RSRC1: variants seen among roughly 807,000 people sequenced by gnomAD.
The protein encoded by RSRC1 is serine/Arginine-related protein 53.
A neutral mutation model predicts 49.1 loss-of-function variants in RSRC1; 39 were observed. That is an observed-to-expected ratio of 0.79 (90% CI 0.61 to 1.04). The LOEUF is 1.04. Among genes scored for constraint, RSRC1 ranks in the 50% least tolerant of loss-of-function variants. The pLI is 0.00. For synonymous variants in RSRC1, 143 were observed against 130.8 expected (o/e 1.09, Z -0.63); for missense variants, 388 against 402.4 (o/e 0.96, Z 0.31).
At chr3:158,409,814 A>C (rs1018023558) in intron 6 of RSRC1, among the ~76,000 whole-genome samples, 1 of 152,168 alleles carries the variant, frequency 6.6e-6, no homozygotes, top group Non-Finnish European at 1.5e-5. Context: ...AAAAACCATT[A>C]GAATAATAAA....
chr3:158,132,237 T>C (rs1716083359), intron 3 of RSRC1: 3 of 363,764 alleles, frequency 8.2e-6, no homozygotes, highest in South Asian at 6.4e-5. Context: ...CCCCCTGCCT[T>C]GGCCTCACTA....
At chr3:158,342,872 G>T (rs1730334534) in intron 5 of RSRC1, among the ~76,000 whole-genome samples, 1 of 152,168 alleles carries the variant, frequency 6.6e-6, no homozygotes, top group Non-Finnish European at 1.5e-5. Flanking sequence ...TCCTATGATT[G>T]CCTCAACTTA....
intron 6 of RSRC1, among the ~76,000 whole-genome samples, chr3:158,457,599 A>C (rs1737398036): frequency 6.6e-6 from 1 of 152,210 alleles, no homozygotes; most frequent in Non-Finnish European, 1.5e-5. Flanking sequence ...ATAGAACGCC[A>C]AGAAGGCACA....
rs184898738 is a variant in RSRC1 at position 158,151,700 on chromosome 3, A to G, written c.320+27709A>G. Among the ~76,000 whole-genome samples, 18 of 152,300 alleles carry G rather than the reference A, an allele frequency of 1.2e-4. No individual in the cohort carries two copies. The East Asian group carries it at 2.9e-3, about 25-fold the overall frequency. ...CTTAAAATCTAGTGAGAAAACATATATGAACATGATTATGCTTCTGATATG... is the reference window on the plus strand; with the variant it reads ...CTTAAAATCTAGTGAGAAAACATATGTGAACATGATTATGCTTCTGATATG... On this transcript the variant is annotated intron_variant, in intron 3 of 9. Transcript: ENST00000611884.
intron 3 of RSRC1, among the ~76,000 whole-genome samples, chr3:158,150,416 A>G (rs577405934): frequency 2.0e-4 from 30 of 152,342 alleles, no homozygotes; most frequent in African/African-American, 6.7e-4. Flanking sequence ...CACAGTTTCT[A>G]AAAATGGTGA....
intron 1 of RSRC1, among the ~76,000 whole-genome samples, chr3:158,116,979 A>G (rs898465837): frequency 3.3e-5 from 5 of 152,086 alleles, no homozygotes; most frequent in Admixed American, 2.0e-4. Flanking sequence ...TAACTTCATG[A>G]AAAGGGGAGA....
intron 7 of RSRC1, among the ~76,000 whole-genome samples, chr3:158,513,562 T>C (rs1334745579): frequency 3.3e-5 from 5 of 152,210 alleles, no homozygotes; most frequent in African/African-American, 4.8e-5. Flanking sequence ...ATCAAGGATA[T>C]TGGCCTAAAA....
chr3:158,232,246 A>ATG (rs1327847529), intron 4 of RSRC1, among the ~76,000 whole-genome samples: 1 of 151,982 alleles, frequency 6.6e-6, no homozygotes, highest in African/African-American at 2.4e-5. Context: ...AAAGATATAT[A>ATG]TTTAAAACCA....
In RSRC1 at chr3:158,255,545, C is replaced by T. The variant is rs568846860; in HGVS notation, c.495-42494C>T. Among the ~76,000 whole-genome samples the T allele has an allele frequency of 5.9e-5, 9 of 152,216 alleles. No individual in the cohort carries two copies. The East Asian group carries it at 1.2e-3, about 20-fold the overall frequency. ...TTGGCTTAGGATTGACTTGGAGATGCGGGCTCTTTTTTGGTTCCATATGGA... is the reference window on the plus strand; with the variant it reads ...TTGGCTTAGGATTGACTTGGAGATGTGGGCTCTTTTTTGGTTCCATATGGA... On this transcript the variant is annotated intron_variant, in intron 4 of 9. Transcript: ENST00000611884.
intron 5 of RSRC1, among the ~76,000 whole-genome samples, chr3:158,353,848 G>T (rs1731006385): frequency 6.6e-6 from 1 of 152,050 alleles, no homozygotes; most frequent in Non-Finnish European, 1.5e-5. Context: ...GAAGTCTCAA[G>T]TATGGACAAC....
intron 7 of RSRC1, among the ~76,000 whole-genome samples, chr3:158,532,868 C>G (rs1712483258): frequency 6.6e-6 from 1 of 151,666 alleles, no homozygotes; most frequent in Non-Finnish European, 1.5e-5. Flanking sequence ...TTTAATTTTA[C>G]TTCATGGCTA....
At chr3:158,498,379 A>G (rs372636430) in intron 7 of RSRC1, among the ~76,000 whole-genome samples, 1 of 151,900 alleles carries the variant, frequency 6.6e-6, no homozygotes, top group Non-Finnish European at 1.5e-5. Context: ...AGAATTGTCT[A>G]TTCATGTCCT....
chr3:158,468,176 G>T (rs530561215), intron 7 of RSRC1, among the ~76,000 whole-genome samples: 1 of 152,048 alleles, frequency 6.6e-6, no homozygotes, highest in Non-Finnish European at 1.5e-5. Context: ...CTCATGATCC[G>T]CCTGCCTCGG....
At chr3:158,321,306 CTCT>C in intron 5 of RSRC1, among the ~76,000 whole-genome samples, 1 of 150,042 alleles carries the variant, frequency 6.7e-6, no homozygotes, top group East Asian at 2.0e-4. Flanking sequence ...CCTCTTCTTC[CTCT>C]TCTTCCTCTT....
intron 3 of RSRC1, among the ~76,000 whole-genome samples, chr3:158,194,615 T>C (rs1720452857): frequency 6.6e-6 from 1 of 151,556 alleles, no homozygotes; most frequent in Non-Finnish European, 1.5e-5. Context: ...TCGTTTAACA[T>C]TTGGTATATA....
chr3:158,323,907 C>A (rs920625811), intron 5 of RSRC1, among the ~76,000 whole-genome samples: 3 of 151,898 alleles, frequency 2.0e-5, no homozygotes, highest in African/African-American at 7.2e-5. Context: ...TCCTTCACAT[C>A]TTTATTCTGT....
chr3:158,163,783 A>AGAG (rs1158813910), intron 3 of RSRC1, among the ~76,000 whole-genome samples: 4 of 151,274 alleles, frequency 2.6e-5, no homozygotes, highest in African/African-American at 9.7e-5. Flanking sequence ...AATGTTAGCA[A>AGAG]GAGTGTTGTA....
intron 7 of RSRC1, among the ~76,000 whole-genome samples, chr3:158,486,245 T>C (rs1738815812): frequency 6.6e-6 from 1 of 152,186 alleles, no homozygotes; most frequent in Non-Finnish European, 1.5e-5. Flanking sequence ...ACCTGACTTC[T>C]AGTGTTGACT....
At chr3:158,209,824 C>G (rs559745812) in intron 4 of RSRC1, among the ~76,000 whole-genome samples, 1 of 152,176 alleles carries the variant, frequency 6.6e-6, no homozygotes, top group Non-Finnish European at 1.5e-5. Flanking sequence ...GATGGTGGTA[C>G]TTAAAAAGCT....
Sources: allele counts gnomAD v4.1 joint callset (sites outside exome capture counted in the v4.1 genomes callset), GRCh38; gene constraint gnomAD v4.1.1; transcripts MANE v1.5; gene names NCBI Gene and HGNC (gene_info 2026-07-23, HGNC 2026-07-21).